CADM2: variants seen among roughly 807,000 people sequenced by gnomAD.
The protein encoded by CADM2 is cell adhesion molecule 2, also known as immunoglobulin superfamily member 4D.
Under a neutral mutation model 49.8 loss-of-function variants are expected in CADM2, and 12 were observed. The ratio of observed to expected loss-of-function variants is 0.24; its 90% confidence interval spans 0.15 to 0.39. The LOEUF (loss-of-function observed/expected upper bound fraction) is 0.39, where lower values mean the gene tolerates loss of function less well. Ranked by LOEUF, CADM2 falls within the 10% of genes least tolerant of loss-of-function variation. CADM2 has a pLI of 1.00. For missense variants in CADM2, 378 were observed against 492.3 expected (o/e 0.77, Z 2.20); for synonymous variants, 214 against 175.4 (o/e 1.22, Z -1.74).
chr3:85,235,579 T>C (rs2042390392), intron 1 of CADM2, among the ~76,000 whole-genome samples: 1 of 152,038 alleles, frequency 6.6e-6, no homozygotes, highest in Non-Finnish European at 1.5e-5. Flanking sequence ...TTTACAAAGA[T>C]ATGTATAGAC....
rs190167740 is a variant in CADM2, at chr3:85,516,082, A to G, written c.62-210440A>G. Among the ~76,000 whole-genome samples, 50 of 152,294 alleles carry G rather than the reference A, an allele frequency of 3.3e-4. No homozygotes were observed. In the East Asian group the frequency reaches 8.5e-3, roughly 26 times the overall value. ...GAATGTGCACTTAGAAGAAAATGTT[A>G]ATAATATTCATGATCATTTCAGTTT... On this transcript the variant is annotated intron_variant, in intron 1 of 9. Coordinates refer to ENST00000383699, the MANE Select transcript of CADM2 (RefSeq NM_001167675.2).
intron 1 of CADM2, among the ~76,000 whole-genome samples, chr3:85,091,569 T>C (rs1204601009): frequency 6.6e-6 from 1 of 152,108 alleles, no homozygotes; most frequent in Non-Finnish European, 1.5e-5. Flanking sequence ...AAATATCAAC[T>C]CTAAATTGCT....
chr3:86,070,368 C>A lies in CADM2; in HGVS notation c.*3585C>A, dbSNP rs1739754357. The A allele has an allele frequency of 6.6e-6, 1 of 151,864 alleles. No individual in the cohort carries two copies. The highest frequency in any genetic ancestry group is 1.5e-5 in the Non-Finnish European group (1 of 67,826). 9.4% of individuals were successfully genotyped at this position (151,864 alleles called of 1,614,324 possible). On this transcript the variant is annotated 3_prime_UTR_variant, in exon 10 of 10. Transcript: ENST00000383699. ...GTGATGGCTCTTCCATGTAACATAG[C>A]AGTTATCGTGTAATTTAGTGCCACT...
chr3:85,425,175 A>G (rs2036345682), intron 1 of CADM2, among the ~76,000 whole-genome samples: 1 of 152,218 alleles, frequency 6.6e-6, no homozygotes, highest in Non-Finnish European at 1.5e-5. Flanking sequence ...CATCTTCTCC[A>G]TCATGCATGT....
intron 1 of CADM2, among the ~76,000 whole-genome samples, chr3:85,720,596 TAAAAA>T (rs1171743917): frequency 2.6e-5 from 4 of 152,090 alleles, no homozygotes; most frequent in Non-Finnish European, 5.9e-5. Context: ...TAAGAAAAAA[TAAAAA>T]CTAGTGAAAT....
At chr3:85,285,133 T>C (rs1298141228) in intron 1 of CADM2, among the ~76,000 whole-genome samples, 1 of 152,146 alleles carries the variant, frequency 6.6e-6, no homozygotes, top group Non-Finnish European at 1.5e-5. Context: ...ACAAAGCTGC[T>C]ATTTACTGGC....
chr3:85,425,931 C>A (rs1232117863), intron 1 of CADM2, among the ~76,000 whole-genome samples: 2 of 152,038 alleles, frequency 1.3e-5, no homozygotes, highest in African/African-American at 2.4e-5. Flanking sequence ...GACAGTTTAG[C>A]ATTTATATGG....
intron 1 of CADM2, among the ~76,000 whole-genome samples, chr3:85,599,862 A>T (rs947478416): frequency 4.6e-5 from 7 of 151,558 alleles, no homozygotes; most frequent in African/African-American, 1.5e-4. Context: ...GCACAGAAAG[A>T]ATTAGCTAAA....
At chr3:85,124,659 T>A (rs972430551) in intron 1 of CADM2, among the ~76,000 whole-genome samples, 1 of 152,074 alleles carries the variant, frequency 6.6e-6, no homozygotes, top group Admixed American at 6.6e-5. Flanking sequence ...ATACTGCAAG[T>A]GGAAAATGTA....
chr3:85,644,012 A>G (rs2064811482), intron 1 of CADM2, among the ~76,000 whole-genome samples: 1 of 152,078 alleles, frequency 6.6e-6, no homozygotes, highest in Non-Finnish European at 1.5e-5. Flanking sequence ...TAACTATTGG[A>G]TATTTAAGAT....
chr3:85,335,178 T>C (rs2045044701), intron 1 of CADM2, among the ~76,000 whole-genome samples: 1 of 151,610 alleles, frequency 6.6e-6, no homozygotes, highest in Non-Finnish European at 1.5e-5. Flanking sequence ...ACATTCATTT[T>C]CTATTGATGT....
At chr3:85,904,190 G>A (rs1314343714) in intron 5 of CADM2, among the ~76,000 whole-genome samples, 4 of 152,040 alleles carry the variant, frequency 2.6e-5, no homozygotes, top group Admixed American at 1.3e-4. Context: ...GGTAGCTTCC[G>A]GTCTTCTTGC....
intron 1 of CADM2, among the ~76,000 whole-genome samples, chr3:85,102,865 G>C (rs1481719128): frequency 6.6e-6 from 1 of 152,136 alleles, no homozygotes; most frequent in Non-Finnish European, 1.5e-5. Context: ...TGGGAGGAAG[G>C]AAAGGGCACT....
chr3:85,807,561 G>A (rs1217137721), intron 3 of CADM2, among the ~76,000 whole-genome samples: 7 of 150,890 alleles, frequency 4.6e-5, no homozygotes, highest in African/African-American at 7.3e-5. Flanking sequence ...CATTGTCCAC[G>A]AGAACATTCC....
intron 1 of CADM2, among the ~76,000 whole-genome samples, chr3:85,063,809 G>A (rs1218375327): frequency 6.6e-6 from 1 of 151,942 alleles, no homozygotes; most frequent in Admixed American, 6.6e-5. Context: ...AATAAATACT[G>A]GGGGTATATT....
chr3:85,030,307 G>A (rs1161747547), intron 1 of CADM2, among the ~76,000 whole-genome samples: 1 of 152,080 alleles, frequency 6.6e-6, no homozygotes, highest in Non-Finnish European at 1.5e-5. Context: ...ACCGTGCTCT[G>A]ACCAGAAATT....
intron 5 of CADM2, 28 bp downstream of exon 5, chr3:85,886,355 A>G (rs1483580626): frequency 6.5e-7 from 1 of 1,539,964 alleles, no homozygotes; most frequent in South Asian, 1.1e-5. Context: ...GAAAATCAAA[A>G]TTAATGTGCT....
intron 1 of CADM2, among the ~76,000 whole-genome samples, chr3:85,599,879 A>C (rs2063345540): frequency 6.8e-6 from 1 of 147,238 alleles, no homozygotes; most frequent in Non-Finnish European, 1.5e-5. Flanking sequence ...TAAATTTAAA[A>C]ATTTATTTTT....
chr3:85,851,999 A>G (rs1010925022), intron 3 of CADM2, among the ~76,000 whole-genome samples: 10 of 152,054 alleles, frequency 6.6e-5, no homozygotes, highest in Non-Finnish European at 1.2e-4. Context: ...TAATATAACT[A>G]CATGGCAATT....
Sources: allele counts gnomAD v4.1 joint callset (sites outside exome capture counted in the v4.1 genomes callset), GRCh38; gene constraint gnomAD v4.1.1; transcripts MANE v1.5; gene names NCBI Gene and HGNC (gene_info 2026-07-23, HGNC 2026-07-21).